The following IARS2 variants were observed in gnomAD, a reference collection of about 807,000 sequenced individuals.
The protein encoded by IARS2 is isoleucine--tRNA ligase, mitochondrial.
A neutral mutation model predicts 126.3 loss-of-function variants in IARS2; 56 were observed. The ratio of observed to expected loss-of-function variants is 0.44; its 90% CI spans 0.36 to 0.55. The LOEUF (loss-of-function observed/expected upper bound fraction) is 0.55, where lower values mean the gene tolerates loss of function less well. Among genes scored for constraint, IARS2 ranks in the 20% least tolerant of loss-of-function variants. The pLI is 0.00. For missense variants in IARS2, 1,127 were observed against 1,245.9 expected, an observed-to-expected ratio of 0.90 and a Z score of 1.44; for synonymous variants, 407 against 441.1, an observed-to-expected ratio of 0.92 and a Z score of 0.97.
intron 14 of IARS2, among the ~76,000 whole-genome samples, chr1:220,128,245 G>A (rs1353395008): frequency 6.6e-6 from 1 of 151,618 alleles, no homozygotes; most frequent in Non-Finnish European, 1.5e-5. Flanking sequence ...GTACATATGG[G>A]GGTGGGGGGC....
rs778652260 is a variant in IARS2, at chr1:220,096,193, C to T, written c.357C>T (p.Asn119=). Residue 119 remains asparagine, a synonymous_variant, in exon 2 of 23, where the codon AAC becomes AAT. Transcript: ENST00000366922. ...TTCATGATGGACCTCCTTATGCAAA[C>T]GGTGACCCTCATGTTGGACATGCTT... ...FCLHDGPPYA[N]GDPHVGHALN... 2.5e-6 allele frequency: 4 copies of T among 1,596,602 alleles called. No individual in the cohort carries two copies. The highest frequency in any genetic ancestry group is 1.1e-5 in the South Asian group (1 of 87,428).
chr1:220,141,975 A>C, intron 20 of IARS2, 27 bp downstream of exon 20: 1 of 1,603,524 alleles, frequency 6.2e-7, no homozygotes, highest in East Asian at 2.2e-5. Context: ...TTATTCTCTT[A>C]ATGAGAAATA....
intron 12 of IARS2, among the ~76,000 whole-genome samples, chr1:220,120,207 A>G (rs905097607): frequency 2.0e-5 from 3 of 149,314 alleles, no homozygotes; most frequent in African/African-American, 7.4e-5. Flanking sequence ...TCAGCCTCCC[A>G]AGTAGCTGGG....
Position 220,094,476 on chromosome 1 carries a change from TC to T in IARS2, c.262del (p.Gln88SerfsTer18). 2 of 1,605,572 alleles carry T rather than the reference TC, an allele frequency of 1.2e-6. No homozygotes were observed. The highest frequency in any genetic ancestry group is 1.7e-6 in the Non-Finnish European group (2 of 1,176,698). On this transcript the variant is annotated frameshift_variant, in exon 1 of 23. Coordinates refer to ENST00000366922, the MANE Select transcript of IARS2 (RefSeq NM_018060.4). LOFTEE classifies it high-confidence loss of function. ...GRQQPDTELE[I>X]QQKCGFSELY... Reference sequence around the variant, plus strand: ...CAGCAGCCGGACACGGAGCTGGAGATCCAGCAGGTACGGGCCCCGCCTCGGC... The same window carrying T: ...CAGCAGCCGGACACGGAGCTGGAGATCAGCAGGTACGGGCCCCGCCTCGGC...
At chr1:220,142,461 C>T (rs555540610) in intron 20 of IARS2, among the ~76,000 whole-genome samples, 1 of 152,242 alleles carries the variant, frequency 6.6e-6, no homozygotes, top group South Asian at 2.1e-4. Context: ...AAGATCATGC[C>T]ACTGTACTTC....
At chr1:220,107,540 C>T (rs756280863) in intron 10 of IARS2, among the ~76,000 whole-genome samples, 11 of 152,220 alleles carry the variant, frequency 7.2e-5, no homozygotes, top group Non-Finnish European at 1.3e-4. Context: ...GGGAATCCTC[C>T]AGCCTTGAAT....
chr1:220,130,007 C>T (rs758043243), intron 14 of IARS2, among the ~76,000 whole-genome samples: 31 of 152,300 alleles, frequency 2.0e-4, no homozygotes, highest in Non-Finnish European at 3.5e-4. Context: ...TCTCCACATC[C>T]TTGCCATCAT....
intron 7 of IARS2, among the ~76,000 whole-genome samples, 194 bp from the exon 8 acceptor site, chr1:220,103,253 G>T (rs957370642): frequency 6.6e-6 from 1 of 152,074 alleles, no homozygotes; most frequent in African/African-American, 2.4e-5. Context: ...TCTCTATGTT[G>T]GTGAGGCTGG....
intron 13 of IARS2, among the ~76,000 whole-genome samples, chr1:220,126,214 G>T (rs961830477): frequency 1.2e-4 from 18 of 152,104 alleles, no homozygotes; most frequent in Non-Finnish European, 2.5e-4. Flanking sequence ...GACGGAGGTT[G>T]CAGTGAGCCG....
chr1:220,129,457 C>T (rs1040561498), intron 14 of IARS2, among the ~76,000 whole-genome samples: 1 of 152,034 alleles, frequency 6.6e-6, no homozygotes, highest in Non-Finnish European at 1.5e-5. Context: ...GAATTTATCC[C>T]GTATATGTAA....
rs1278570304 is a variant in IARS2, at chr1:220,103,478, G to C, written c.982G>C (p.Asp328His). 1.2e-6 allele frequency: 2 copies of C among 1,612,114 alleles called. No individual in the cohort carries two copies. Among genetic ancestry groups the C allele is most frequent in the Non-Finnish European group, 1.7e-6 (2 of 1,178,412 alleles). ...TGTTGTGAAATGTTCTAAGTCTGGA[G>C]ACCTCTACGTACTGGCGGCAGATAA... is the stretch of plus-strand genomic sequence containing the variant. Reference protein sequence around the residue: ...YAVVKCSKSGDLYVLAADKVA... With the variant: ...YAVVKCSKSGHLYVLAADKVA... Residue 328 changes from aspartate to histidine, a missense_variant, in exon 8 of 23, where the codon GAC becomes CAC. Asp to His is a moderately conservative substitution (Grantham distance 81). Coordinates refer to ENST00000366922, the MANE Select transcript of IARS2 (RefSeq NM_018060.4).
chr1:220,107,931 C>T (rs1656714691), intron 10 of IARS2, among the ~76,000 whole-genome samples: 1 of 152,186 alleles, frequency 6.6e-6, no homozygotes, highest in African/African-American at 2.4e-5. Context: ...GACAATCTCA[C>T]TTTCTCACTC....
rs1293737635 is a variant in IARS2, at chr1:220,102,014, A to G, written c.551-115A>G. ...TGACAGCGAGACTGTGTCTCAAAAAAAATTTGCATTCTAAACTGTCTGTAG... is the reference window on the plus strand; with the variant it reads ...TGACAGCGAGACTGTGTCTCAAAAAGAATTTGCATTCTAAACTGTCTGTAG... On this transcript the variant is annotated intron_variant, in intron 3 of 22. Coordinates refer to ENST00000366922, the MANE Select transcript of IARS2 (RefSeq NM_018060.4). The G allele has an allele frequency of 4.0e-6, 4 of 1,000,018 alleles. No individual in the cohort carries two copies. In the African/African-American group the frequency reaches 5.0e-5, roughly 12 times the overall value. The allele number at this position is 1,000,018 out of a possible 1,614,324, so 61.9% of individuals were successfully genotyped here.
chr1:220,097,590 C>A (rs1167002326), intron 2 of IARS2, among the ~76,000 whole-genome samples: 1 of 151,920 alleles, frequency 6.6e-6, no homozygotes, highest in African/African-American at 2.4e-5. Context: ...GTCTCGATCT[C>A]CTGACCTCGT....
chr1:220,144,086 A>C (rs1311192396), intron 21 of IARS2: 1 of 1,058,754 alleles, frequency 9.4e-7, no homozygotes, highest in African/African-American at 1.6e-5. Context: ...TTATTTTGCC[A>C]TTTTTCTAGA....
chr1:220,110,171 C>T (rs1335092458), intron 10 of IARS2, among the ~76,000 whole-genome samples: 2 of 151,956 alleles, frequency 1.3e-5, no homozygotes, highest in Admixed American at 1.3e-4. Context: ...GATTCTCCCA[C>T]CTCAGCCTCC....
intron 22 of IARS2, 35 bp downstream of exon 22, chr1:220,145,688 G>A: frequency 1.3e-6 from 2 of 1,569,970 alleles, no homozygotes; most frequent in Non-Finnish European, 1.7e-6. Flanking sequence ...GTAACATCTG[G>A]AGAATTGAAT....
chr1:220,102,016 A>G (rs1656584447), intron 3 of IARS2, 113 bp from the exon 4 acceptor site: 1 of 1,016,020 alleles, frequency 9.8e-7, no homozygotes, highest in Non-Finnish European at 1.5e-6. Context: ...CTCAAAAAAA[A>G]TTTGCATTCT....
In IARS2 at chr1:220,094,374, C is replaced by T. The variant is rs1456328735; in HGVS notation, c.158C>T (p.Pro53Leu). ...RSVSGASNHQ[P>L]NSNSGRYRDT... is the part of the protein sequence containing the mutation. ...GTCTCCGGGGCCAGTAACCACCAGC[C>T]GAACTCGAATAGTGGCAGATACCGG... Residue 53 changes from proline (P) to leucine (L), a missense_variant, in exon 1 of 23, where the codon CCG becomes CTG. Transcript: ENST00000366922. 2.5e-6 allele frequency: 4 copies of T among 1,613,082 alleles called. No homozygotes were observed. In the Admixed American group the frequency reaches 5.0e-5, roughly 20 times the overall value.
Sources: gnomAD v4.1 joint callset for allele counts (sites outside exome capture counted in the v4.1 genomes callset) on GRCh38, gnomAD v4.1.1 for gene constraint, MANE v1.5 for transcripts, NCBI Gene and HGNC (gene_info 2026-07-23, HGNC 2026-07-21) for gene names.